The following GRB2 variants were observed in gnomAD, a reference collection of about 807,000 sequenced individuals.
GRB2 encodes the protein growth factor receptor bound protein 2.
In GRB2, 2 loss-of-function variants were observed where a neutral mutation model predicts 27.4. That is an observed-to-expected ratio of 0.07 (90% confidence interval 0.03 to 0.23). GRB2 has a LOEUF of 0.23. Among genes scored for constraint, GRB2 ranks in the 10% least tolerant of loss-of-function variants. The pLI is 1.00. For missense variants in GRB2, 102 were observed against 282.4 expected (o/e 0.36, Z 4.58); for synonymous variants, 94 against 99.6 (o/e 0.94, Z 0.33).
intron 2 of GRB2, among the ~76,000 whole-genome samples, chr17:75,390,483 A>T (rs1371038550): frequency 6.6e-6 from 1 of 152,172 alleles, no homozygotes; most frequent in Non-Finnish European, 1.5e-5. Flanking sequence ...CCAGGCCTGA[A>T]ACCTGCAGTG....
chr17:75,352,872 TTG>T (rs202089252), intron 2 of GRB2, among the ~76,000 whole-genome samples: 150 of 144,010 alleles, frequency 1.0e-3, no homozygotes, highest in East Asian at 2.2e-3. Context: ...AAAAGTTAAC[TTG>T]TTTTTTTTTT....
chr17:75,335,843 G>A (rs1376623399), intron 2 of GRB2, among the ~76,000 whole-genome samples: 2 of 152,130 alleles, frequency 1.3e-5, no homozygotes, highest in African/African-American at 2.4e-5. Flanking sequence ...ATCAAAGACT[G>A]GAATGAGATA....
chr17:75,388,190 G>A (rs528793863), intron 2 of GRB2, among the ~76,000 whole-genome samples: 37 of 152,020 alleles, frequency 2.4e-4, no homozygotes, highest in East Asian at 2.1e-3. Flanking sequence ...TCCACATCCC[G>A]GGTTCAAGCG....
intron 1 of GRB2, among the ~76,000 whole-genome samples, chr17:75,396,663 C>G (rs1461557175): frequency 6.6e-6 from 1 of 152,236 alleles, no homozygotes; most frequent in Non-Finnish European, 1.5e-5. Context: ...GCTAGGAATA[C>G]AGGGGAGAGT....
intron 2 of GRB2, among the ~76,000 whole-genome samples, chr17:75,366,500 CAAAAA>C (rs34051020): frequency 8.9e-6 from 1 of 111,908 alleles, no homozygotes. Flanking sequence ...GATCAGCTTC[CAAAAA>C]AAAAAAAAAA....
Position 75,332,780 on chromosome 17 carries a change from A to G in GRB2, c.96T>C (p.Cys32=). 6.2e-7 allele frequency: 1 copy of G among 1,605,720 alleles called. No homozygotes were observed. Among genetic ancestry groups the G allele is most frequent in the Non-Finnish European group, 8.5e-7 (1 of 1,174,924 alleles). Residue 32 remains cysteine, a synonymous_variant, in exon 3 of 6, where the codon TGT becomes TGC. Coordinates refer to ENST00000316804, the MANE Select transcript of GRB2 (RefSeq NM_002086.5). ...GDILKVLNEE[C]DQNWYKAELN... is the part of the protein sequence containing the mutation. Reference sequence around the variant, plus strand: ...GCTCTGCCTTGTACCAGTTCTGATCACATTCTTCGTTCAAAACCTGAAAAG... The same window carrying G: ...GCTCTGCCTTGTACCAGTTCTGATCGCATTCTTCGTTCAAAACCTGAAAAG...
At chr17:75,322,785 C>G (rs990214000) in intron 4 of GRB2, among the ~76,000 whole-genome samples, 3 of 150,560 alleles carry the variant, frequency 2.0e-5, no homozygotes, top group African/African-American at 7.3e-5. Flanking sequence ...ACCAGCCTAG[C>G]GAGGGCGCTT....
intron 1 of GRB2, among the ~76,000 whole-genome samples, chr17:75,399,905 C>T (rs998108002): frequency 9.9e-5 from 15 of 151,570 alleles, no homozygotes; most frequent in African/African-American, 1.7e-4. Flanking sequence ...CTCCTGACCT[C>T]GTGATCCGCC....
intron 1 of GRB2, among the ~76,000 whole-genome samples, chr17:75,399,540 G>A (rs1162152682): frequency 2.0e-5 from 3 of 150,256 alleles, no homozygotes; most frequent in Non-Finnish European, 3.0e-5. Context: ...ACTAACTTTT[G>A]TATTTTTAGT....
chr17:75,367,516 C>A, intron 2 of GRB2, among the ~76,000 whole-genome samples: 1 of 152,100 alleles, frequency 6.6e-6, no homozygotes. Flanking sequence ...GTAGAAACTG[C>A]CTAGAGCAGT....
At chr17:75,352,124 T>G (rs1366520921) in intron 2 of GRB2, among the ~76,000 whole-genome samples, 1 of 152,162 alleles carries the variant, frequency 6.6e-6, no homozygotes, top group African/African-American at 2.4e-5. Context: ...TCTCTAGTAA[T>G]TAATTACCCA....
At chr17:75,355,810 TTTC>T (rs1207374052) in intron 2 of GRB2, among the ~76,000 whole-genome samples, 15 of 147,290 alleles carry the variant, frequency 1.0e-4, no homozygotes, top group Non-Finnish European at 1.8e-4. Context: ...TTAATTTTCC[TTTC>T]TTCTTTTTTT....
intron 2 of GRB2, among the ~76,000 whole-genome samples, chr17:75,362,822 C>T (rs1232070350): frequency 2.0e-5 from 3 of 152,208 alleles, no homozygotes; most frequent in Non-Finnish European, 4.4e-5. Flanking sequence ...AACAGCCCCC[C>T]ACCTCCAGCC....
intron 2 of GRB2, among the ~76,000 whole-genome samples, chr17:75,385,613 G>A (rs1295974708): frequency 6.6e-6 from 1 of 152,210 alleles, no homozygotes; most frequent in African/African-American, 2.4e-5. Flanking sequence ...GATTGGATCT[G>A]AATCCTAACT....
At chr17:75,333,643 A>G (rs1013409535) in intron 2 of GRB2, among the ~76,000 whole-genome samples, 4 of 152,148 alleles carry the variant, frequency 2.6e-5, no homozygotes, top group African/African-American at 9.7e-5. Flanking sequence ...GTCACCCACC[A>G]AACAGCTCCA....
chr17:75,401,437 G>C, intron 1 of GRB2, among the ~76,000 whole-genome samples: 1 of 121,354 alleles, frequency 8.2e-6, no homozygotes, highest in Non-Finnish European at 1.6e-5. Flanking sequence ...GGGCGACAGA[G>C]CGAGACTCCG....
At chr17:75,404,529 T>C (rs1326790205) in intron 1 of GRB2, among the ~76,000 whole-genome samples, 1 of 93,244 alleles carries the variant, frequency 1.1e-5, no homozygotes, top group Non-Finnish European at 2.0e-5. Flanking sequence ...GAAGGGGAAG[T>C]ACATTAGAAA....
intron 2 of GRB2, among the ~76,000 whole-genome samples, chr17:75,341,447 T>TAAA (rs61039194): frequency 1.5e-4 from 17 of 110,256 alleles, no homozygotes; most frequent in African/African-American, 6.1e-4. Flanking sequence ...GTGACTCCAT[T>TAAA]AAAAAAAAAA....
intron 4 of GRB2, among the ~76,000 whole-genome samples, chr17:75,323,601 C>T (rs2078475348): frequency 6.6e-6 from 1 of 152,110 alleles, no homozygotes; most frequent in Non-Finnish European, 1.5e-5. Flanking sequence ...GCATTAAATC[C>T]TTAAAAGATT....
Sources: gnomAD v4.1 joint callset for allele counts (sites outside exome capture counted in the v4.1 genomes callset) on GRCh38, gnomAD v4.1.1 for gene constraint, MANE v1.5 for transcripts, NCBI Gene and HGNC (gene_info 2026-07-23, HGNC 2026-07-21) for gene names.